The following NCKAP5 variants were observed in gnomAD, a reference collection of about 807,000 sequenced individuals.
NCKAP5 encodes nck-associated protein 5.
Under a neutral mutation model 167.0 loss-of-function variants are expected in NCKAP5, and 92 were observed. The ratio of observed to expected loss-of-function variants is 0.55; its 90% CI spans 0.47 to 0.66. The LOEUF is 0.66. Among genes scored for constraint, NCKAP5 ranks in the 30% least tolerant of loss-of-function variants. NCKAP5 has a pLI of 0.00. For synonymous variants in NCKAP5, 891 were observed against 877.4 expected (o/e 1.02, Z -0.27); for missense variants, 2,378 against 2,315.0 (o/e 1.03, Z -0.56).
At chr2:132,972,228 G>A (rs2149239585) in intron 7 of NCKAP5, among the ~76,000 whole-genome samples, 1 of 152,194 alleles carries the variant, frequency 6.6e-6, no homozygotes, top group South Asian at 2.1e-4. Context: ...AGTGATGAGA[G>A]ACCCCTCAAA....
At chr2:133,220,635 ATGT>A (rs2086621819) in intron 4 of NCKAP5, among the ~76,000 whole-genome samples, 1 of 152,154 alleles carries the variant, frequency 6.6e-6, no homozygotes, top group Admixed American at 6.5e-5. Flanking sequence ...AGCCAACAGG[ATGT>A]TGGCATTCGT....
chr2:132,967,460 A>G (rs1010424183), intron 7 of NCKAP5, among the ~76,000 whole-genome samples: 6 of 152,200 alleles, frequency 3.9e-5, no homozygotes, highest in African/African-American at 1.4e-4. Context: ...GTGTTTGGTG[A>G]AAGAGAAAAT....
At chr2:132,787,646 C>G (rs1175362156) in intron 13 of NCKAP5, among the ~76,000 whole-genome samples, 1 of 152,108 alleles carries the variant, frequency 6.6e-6, no homozygotes, top group East Asian at 1.9e-4. Flanking sequence ...AGGAAATTCT[C>G]CACCGTCAGA....
At position 132,905,740 on chromosome 2, in the gene NCKAP5, A is replaced by G. The variant is rs570081572; in HGVS notation, c.580-26824T>C. Among the ~76,000 whole-genome samples the G allele has an allele frequency of 1.8e-3, 279 of 152,270 alleles. 1 individual carries two copies. The highest frequency in any genetic ancestry group is 6.2e-3 in the African/African-American group (257 of 41,558). ...TTTTCCCGATAATTTTTGAGCCACC[A>G]TTCCTCATTTACAGAAAACTACTGA... On this transcript the variant is annotated intron_variant, in intron 8 of 19. Transcript: ENST00000409261.
chr2:133,286,545 G>A (rs1345714706), intron 4 of NCKAP5, among the ~76,000 whole-genome samples: 3 of 152,170 alleles, frequency 2.0e-5, no homozygotes, highest in Non-Finnish European at 4.4e-5. Flanking sequence ...TTTGCCTAAA[G>A]GTTATTAACA....
At chr2:133,180,193 A>G (rs2150031109) in intron 5 of NCKAP5, among the ~76,000 whole-genome samples, 1 of 152,316 alleles carries the variant, frequency 6.6e-6, no homozygotes, top group Non-Finnish European at 1.5e-5. Flanking sequence ...AAGAATGCCA[A>G]TCCCAGAATC....
At chr2:132,884,129 C>T (rs1189802997) in intron 8 of NCKAP5, among the ~76,000 whole-genome samples, 1 of 152,168 alleles carries the variant, frequency 6.6e-6, no homozygotes, top group East Asian at 1.9e-4. Flanking sequence ...GGGCTGAATC[C>T]GTTTTAACAA....
chr2:133,307,515 A>G (rs1186559956), intron 3 of NCKAP5, among the ~76,000 whole-genome samples: 1 of 152,220 alleles, frequency 6.6e-6, no homozygotes, highest in Non-Finnish European at 1.5e-5. Context: ...TAGTGAAGAA[A>G]AAAAAGGGGG....
chr2:132,796,104 A>C (rs112206451), intron 12 of NCKAP5, among the ~76,000 whole-genome samples: 1 of 152,272 alleles, frequency 6.6e-6, no homozygotes, highest in African/African-American at 2.4e-5. Flanking sequence ...TGTTCATGTC[A>C]TTGTTTTAAG....
At chr2:133,374,865 G>T (rs1686037926) in intron 3 of NCKAP5, among the ~76,000 whole-genome samples, 1 of 152,188 alleles carries the variant, frequency 6.6e-6, no homozygotes, top group African/African-American at 2.4e-5. Context: ...TCAGCATCAG[G>T]AAAGCACTCA....
chr2:133,391,787 C>T (rs758700450), intron 3 of NCKAP5, among the ~76,000 whole-genome samples: 6 of 152,128 alleles, frequency 3.9e-5, no homozygotes, highest in Non-Finnish European at 7.4e-5. Context: ...TAAACTGTCT[C>T]AAGGGAAAAT....
At chr2:133,348,083 T>A (rs1317294260) in intron 3 of NCKAP5, among the ~76,000 whole-genome samples, 1 of 152,162 alleles carries the variant, frequency 6.6e-6, no homozygotes, top group African/African-American at 2.4e-5. Flanking sequence ...GATAGCATTC[T>A]ACCTATGAGG....
chr2:132,877,186 C>T (rs889301693), intron 9 of NCKAP5, among the ~76,000 whole-genome samples: 4 of 152,180 alleles, frequency 2.6e-5, no homozygotes, highest in Non-Finnish European at 5.9e-5. Context: ...TCACTAGACT[C>T]TGAGCCATGT....
intron 2 of NCKAP5, among the ~76,000 whole-genome samples, chr2:133,522,366 T>C (rs1413630163): frequency 6.6e-6 from 1 of 152,116 alleles, no homozygotes; most frequent in East Asian, 1.9e-4. Context: ...TACAGTAATT[T>C]CCTTTTTCTA....
intron 3 of NCKAP5, among the ~76,000 whole-genome samples, chr2:133,324,249 T>A (rs1241148398): frequency 6.6e-6 from 1 of 152,226 alleles, no homozygotes; most frequent in African/African-American, 2.4e-5. Flanking sequence ...CTCAAGGGAA[T>A]CATAAACACC....
chr2:132,689,284 A>T (rs1353968160), intron 19 of NCKAP5, among the ~76,000 whole-genome samples: 1 of 152,220 alleles, frequency 6.6e-6, no homozygotes, highest in East Asian at 1.9e-4. Flanking sequence ...CAAGGGGAAT[A>T]GAACTGGTGT....
At chr2:133,382,990 CT>C (rs1467999141) in intron 3 of NCKAP5, among the ~76,000 whole-genome samples, 1 of 152,090 alleles carries the variant, frequency 6.6e-6, no homozygotes, top group Non-Finnish European at 1.5e-5. Context: ...GCATAAGCCA[CT>C]GATTATGCTT....
intron 6 of NCKAP5, among the ~76,000 whole-genome samples, chr2:133,061,019 A>G (rs957144659): frequency 2.6e-5 from 4 of 152,144 alleles, no homozygotes; most frequent in Non-Finnish European, 5.9e-5. Context: ...ACCACTAAAA[A>G]GAGAAAAAGC....
At chr2:133,124,497 T>A (rs2082341626) in intron 6 of NCKAP5, among the ~76,000 whole-genome samples, 1 of 152,230 alleles carries the variant, frequency 6.6e-6, no homozygotes, top group African/African-American at 2.4e-5. Context: ...ATGTGTAGTA[T>A]TACTGTTGTC....
Sources: allele counts gnomAD v4.1 joint callset (sites outside exome capture counted in the v4.1 genomes callset), GRCh38; gene constraint gnomAD v4.1.1; transcripts MANE v1.5; gene names NCBI Gene and HGNC (gene_info 2026-07-23, HGNC 2026-07-21).